The following CADM2 variants were observed in gnomAD, a reference collection of about 807,000 sequenced individuals.
CADM2 encodes the protein cell adhesion molecule 2, also known as immunoglobulin superfamily member 4D.
A neutral mutation model predicts 49.8 loss-of-function variants in CADM2; 12 were observed. That is an observed-to-expected ratio of 0.24 (90% CI 0.15 to 0.39). The LOEUF is 0.39. CADM2 is among the 10% of genes least tolerant of loss of function. The pLI, the probability that CADM2 is intolerant of heterozygous loss-of-function variation, is 1.00. For synonymous variants in CADM2, 214 were observed against 175.4 expected (o/e 1.22, Z -1.74); for missense variants, 378 against 492.3 (o/e 0.77, Z 2.20).
intron 5 of CADM2, among the ~76,000 whole-genome samples, chr3:85,887,013 A>C (rs1713754550): frequency 6.6e-6 from 1 of 152,090 alleles, no homozygotes; most frequent in Non-Finnish European, 1.5e-5. Flanking sequence ...AATATGTATT[A>C]TTTTCAACAT....
chr3:85,441,592 G>A (rs1436158636), intron 1 of CADM2, among the ~76,000 whole-genome samples: 1 of 151,894 alleles, frequency 6.6e-6, no homozygotes, highest in Non-Finnish European at 1.5e-5. Flanking sequence ...TAACATTCTG[G>A]ATTTATAATC....
intron 3 of CADM2, among the ~76,000 whole-genome samples, chr3:85,828,326 C>T (rs892914605): frequency 6.6e-6 from 1 of 151,794 alleles, no homozygotes; most frequent in African/African-American, 2.4e-5. Context: ...AGGTAAGCAT[C>T]TGTGTTCTAA....
chr3:85,628,538 T>TACAC (rs1312560759), intron 1 of CADM2, among the ~76,000 whole-genome samples: 41 of 148,786 alleles, frequency 2.8e-4, no homozygotes, highest in Admixed American at 4.8e-4. Flanking sequence ...CACATATATA[T>TACAC]ACACATATAT....
chr3:85,348,820 T>G (rs1369990659), intron 1 of CADM2, among the ~76,000 whole-genome samples: 1 of 152,168 alleles, frequency 6.6e-6, no homozygotes, highest in African/African-American at 2.4e-5. Context: ...TAAGAGAGAA[T>G]ATTTTAATCC....
chr3:85,264,560 C>T (rs2107899921), intron 1 of CADM2, among the ~76,000 whole-genome samples: 1 of 152,052 alleles, frequency 6.6e-6, no homozygotes, highest in South Asian at 2.1e-4. Context: ...TTTGGACTTT[C>T]TTCATAGATT....
At chr3:85,532,242 A>T (rs1326879668) in intron 1 of CADM2, among the ~76,000 whole-genome samples, 1 of 152,206 alleles carries the variant, frequency 6.6e-6, no homozygotes, top group Non-Finnish European at 1.5e-5. Flanking sequence ...GGCAGTATTG[A>T]GGAAACTGCA....
At chr3:85,550,042 A>T (rs2107108578) in intron 1 of CADM2, among the ~76,000 whole-genome samples, 1 of 152,286 alleles carries the variant, frequency 6.6e-6, no homozygotes, top group African/African-American at 2.4e-5. Context: ...TTTATTTCAT[A>T]ATCCCAACAC....
chr3:85,233,644 C>T (rs570913023), intron 1 of CADM2, among the ~76,000 whole-genome samples: 37 of 152,054 alleles, frequency 2.4e-4, no homozygotes, highest in African/African-American at 7.7e-4. Context: ...TATTAGACAG[C>T]GTAGATGAGA....
At chr3:85,315,949 G>A (rs2044455572) in intron 1 of CADM2, among the ~76,000 whole-genome samples, 1 of 151,934 alleles carries the variant, frequency 6.6e-6, no homozygotes, top group Admixed American at 6.6e-5. Flanking sequence ...ACATCAAGAA[G>A]GAAGACATTT....
At chr3:85,575,052 T>C (rs901631005) in intron 1 of CADM2, among the ~76,000 whole-genome samples, 4 of 152,160 alleles carry the variant, frequency 2.6e-5, no homozygotes, top group South Asian at 4.1e-4. Flanking sequence ...TAATAGTTAG[T>C]GGCCCCTCCT....
chr3:85,194,292 C>T (rs1352678705), intron 1 of CADM2, among the ~76,000 whole-genome samples: 4 of 151,950 alleles, frequency 2.6e-5, no homozygotes, highest in Middle Eastern at 3.2e-3. Context: ...GAATAGAAAC[C>T]GTAGAGCTTT....
chr3:85,199,032 A>C (rs193249997), intron 1 of CADM2, among the ~76,000 whole-genome samples: 1 of 152,008 alleles, frequency 6.6e-6, no homozygotes, highest in Middle Eastern at 3.4e-3. Context: ...AGCTATTTAT[A>C]AATTTAACTT....
chr3:85,045,926 T>A (rs2107383513), intron 1 of CADM2, among the ~76,000 whole-genome samples: 1 of 152,286 alleles, frequency 6.6e-6, no homozygotes, highest in African/African-American at 2.4e-5. Flanking sequence ...TAAGTAGACA[T>A]CTTAGGAACA....
At chr3:85,514,964 T>C (rs1373787646) in intron 1 of CADM2, among the ~76,000 whole-genome samples, 1 of 152,160 alleles carries the variant, frequency 6.6e-6, no homozygotes, top group Non-Finnish European at 1.5e-5. Context: ...GAAGCATGTC[T>C]TTCTTTTCTA....
intron 1 of CADM2, among the ~76,000 whole-genome samples, chr3:85,524,251 T>C (rs1433794794): frequency 1.3e-5 from 2 of 152,146 alleles, no homozygotes; most frequent in African/African-American, 4.8e-5. Flanking sequence ...TTTATTATTC[T>C]ATTTTTTGTG....
chr3:85,989,231 A>G (rs1007574934), intron 8 of CADM2, among the ~76,000 whole-genome samples: 4 of 152,180 alleles, frequency 2.6e-5, no homozygotes, highest in African/African-American at 7.2e-5. Flanking sequence ...GGAAACTAAT[A>G]AAGTAGGAAA....
At chr3:84,969,286 AT>A (rs1559594833) in intron 1 of CADM2, among the ~76,000 whole-genome samples, 1 of 151,910 alleles carries the variant, frequency 6.6e-6, no homozygotes, top group African/African-American at 2.4e-5. Flanking sequence ...TGTTTTGACA[AT>A]TTTTGTTTGA....
At chr3:85,959,710 T>C (rs1724582770) in intron 7 of CADM2, among the ~76,000 whole-genome samples, 2 of 151,948 alleles carry the variant, frequency 1.3e-5, no homozygotes, top group Non-Finnish European at 2.9e-5. Flanking sequence ...TTTCCATGTC[T>C]ATACACTCAA....
intron 1 of CADM2, among the ~76,000 whole-genome samples, chr3:85,144,260 C>T (rs1485218565): frequency 6.6e-6 from 1 of 151,696 alleles, no homozygotes; most frequent in African/African-American, 2.4e-5. Context: ...CACACACACA[C>T]ACACACACAC....
Sources: gnomAD v4.1 joint callset for allele counts (sites outside exome capture counted in the v4.1 genomes callset) on GRCh38, gnomAD v4.1.1 for gene constraint, MANE v1.5 for transcripts, NCBI Gene and HGNC (gene_info 2026-07-23, HGNC 2026-07-21) for gene names.